BTBD9: variants seen among roughly 807,000 people sequenced by gnomAD.
BTBD9 encodes BTB/POZ domain-containing protein 9.
Under a neutral mutation model 64.3 loss-of-function variants are expected in BTBD9, and 49 were observed. The ratio of observed to expected loss-of-function variants is 0.76; its 90% confidence interval spans 0.61 to 0.97. The LOEUF is 0.97. Among genes scored for constraint, BTBD9 ranks in the 50% least tolerant of loss-of-function variants. BTBD9 has a pLI of 0.00. For synonymous variants in BTBD9, 260 were observed against 274.7 expected, an observed-to-expected ratio of 0.95 and a Z score of 0.53; for missense variants, 598 against 762.1, an observed-to-expected ratio of 0.78 and a Z score of 2.53.
At chr6:38,569,617 T>A (rs1267773318) in intron 6 of BTBD9, among the ~76,000 whole-genome samples, 2 of 152,088 alleles carry the variant, frequency 1.3e-5, no homozygotes, top group East Asian at 3.9e-4. Context: ...TAAAATACAA[T>A]GCAAAGGAAA....
rs1399486948 is a variant in BTBD9 at position 38,554,093 on chromosome 6, C to CA, written c.1154+23506dup. Among the ~76,000 whole-genome samples, 11 of 152,258 alleles carry CA rather than the reference C, an allele frequency of 7.2e-5. No homozygotes were observed. The South Asian group carries it at 1.0e-3, about 14-fold the overall frequency. On this transcript the variant is annotated intron_variant, in intron 6 of 10. Transcript: ENST00000481247. ...TTTCAGCATCTAAGAAGGTAAATCT[C>CA]AGAGTCAAATCCTCAGACAAACATA...
intron 6 of BTBD9, among the ~76,000 whole-genome samples, chr6:38,369,462 T>C (rs1344229871): frequency 6.6e-6 from 1 of 152,174 alleles, no homozygotes; most frequent in Non-Finnish European, 1.5e-5. Context: ...TCTCCTAATA[T>C]CCATCTGAGG....
intron 8 of BTBD9, among the ~76,000 whole-genome samples, chr6:38,257,675 T>C (rs1221243947): frequency 1.3e-5 from 2 of 152,194 alleles, no homozygotes; most frequent in African/African-American, 4.8e-5. Context: ...AGAAATTGAT[T>C]ACCTTGGTCC....
intron 6 of BTBD9, among the ~76,000 whole-genome samples, chr6:38,484,360 G>A (rs1039065429): frequency 6.6e-6 from 1 of 152,212 alleles, no homozygotes; most frequent in African/African-American, 2.4e-5. Context: ...AAGTTCTAGA[G>A]TAGATAAAAT....
chr6:38,326,045 A>T (rs1257997548), intron 7 of BTBD9, among the ~76,000 whole-genome samples: 1 of 152,214 alleles, frequency 6.6e-6, no homozygotes, highest in East Asian at 1.9e-4. Context: ...TCATACTAAG[A>T]AACTTTACCA....
intron 4 of BTBD9, among the ~76,000 whole-genome samples, chr6:38,586,787 G>A (rs1562379614): frequency 6.6e-6 from 1 of 152,208 alleles, no homozygotes; most frequent in Non-Finnish European, 1.5e-5. Context: ...TACTGGCCAG[G>A]CGTGGTGGCT....
At chr6:38,349,283 T>C (rs1189963286) in intron 6 of BTBD9, among the ~76,000 whole-genome samples, 1 of 152,070 alleles carries the variant, frequency 6.6e-6, no homozygotes, top group Non-Finnish European at 1.5e-5. Context: ...GTATTGAAAA[T>C]ATCGAATGCA....
chr6:38,275,933 A>G (rs1234603149), intron 8 of BTBD9, among the ~76,000 whole-genome samples: 3 of 152,024 alleles, frequency 2.0e-5, no homozygotes, highest in African/African-American at 7.2e-5. Context: ...TGTGGAAGTC[A>G]GTGTGGCGAT....
intron 6 of BTBD9, among the ~76,000 whole-genome samples, chr6:38,507,974 T>C (rs754924423): frequency 1.7e-4 from 26 of 151,760 alleles, no homozygotes; most frequent in Non-Finnish European, 3.2e-4. Flanking sequence ...GCTGGGACTA[T>C]AGGCACCCGC....
intron 7 of BTBD9, among the ~76,000 whole-genome samples, chr6:38,332,283 G>A (rs974959637): frequency 6.6e-6 from 1 of 152,120 alleles, no homozygotes; most frequent in Non-Finnish European, 1.5e-5. Flanking sequence ...GTTTCCTACA[G>A]CTCTTTTGGA....
chr6:38,616,888 C>T lies in BTBD9; in HGVS notation c.-27-18767G>A, dbSNP rs1221346972. Among the ~76,000 whole-genome samples, 27 of 152,092 alleles carry T rather than the reference C, an allele frequency of 1.8e-4. 2 individuals are homozygous for T. Among genetic ancestry groups the T allele is most frequent in the Non-Finnish European group, 4.4e-5 (3 of 68,022 alleles). ...TAAGAGCTGTAACACCACAAAGGTC[C>T]GCAGCTTCATTATTGAAGTCAGTGA... On this transcript the variant is annotated intron_variant, in intron 1 of 10. Transcript: ENST00000481247.
intron 6 of BTBD9, among the ~76,000 whole-genome samples, chr6:38,428,814 G>A (rs1001938911): frequency 6.7e-5 from 10 of 150,020 alleles, no homozygotes; most frequent in African/African-American, 2.2e-4. Context: ...CCGGATTCAC[G>A]CCATTCTCCT....
At chr6:38,628,069 G>A (rs1778229877) in intron 1 of BTBD9, among the ~76,000 whole-genome samples, 1 of 152,196 alleles carries the variant, frequency 6.6e-6, no homozygotes, top group Non-Finnish European at 1.5e-5. Context: ...TTATTGATAA[G>A]CAGATTATCT....
chr6:38,577,610 G>T lies in BTBD9; in HGVS notation c.1144C>A (p.Arg382Ser). The T allele has an allele frequency of 6.2e-7, 1 of 1,606,904 alleles. No homozygotes were observed. The highest frequency in any genetic ancestry group is 8.5e-7 in the Non-Finnish European group (1 of 1,178,978). Residue 382 changes from arginine (R) to serine (S), a missense_variant, in exon 6 of 11, where the codon CGT becomes AGT. By Grantham distance (110) the Arg-to-Ser change is moderately radical. Transcript: ENST00000481247. The part of the protein sequence containing the change: ...RSWQKLYFPA[R>S]VCRYIRIVGT... Reference sequence around the variant, plus strand: ...CCACTGAAAACTAACCTGCAGACACGGGCTGGAAAATATAATTTCTGCCAA... The same window carrying T: ...CCACTGAAAACTAACCTGCAGACACTGGCTGGAAAATATAATTTCTGCCAA...
At chr6:38,562,187 C>T (rs1055641486) in intron 6 of BTBD9, among the ~76,000 whole-genome samples, 2 of 152,158 alleles carry the variant, frequency 1.3e-5, no homozygotes, top group African/African-American at 4.8e-5. Flanking sequence ...TAGAAGTCAT[C>T]ACAATACGAA....
At chr6:38,313,692 T>C (rs1177874467) in intron 7 of BTBD9, among the ~76,000 whole-genome samples, 1 of 152,150 alleles carries the variant, frequency 6.6e-6, no homozygotes, top group Admixed American at 6.5e-5. Flanking sequence ...GATTTGCATA[T>C]GTTGAACCAT....
chr6:38,624,454 C>T (rs904383115), intron 1 of BTBD9, among the ~76,000 whole-genome samples: 12 of 152,112 alleles, frequency 7.9e-5, no homozygotes, highest in African/African-American at 2.2e-4. Flanking sequence ...AGAGAGACCA[C>T]GAACCCACTG....
chr6:38,289,018 T>C (rs1761859519), intron 7 of BTBD9, among the ~76,000 whole-genome samples: 1 of 152,048 alleles, frequency 6.6e-6, no homozygotes, highest in Non-Finnish European at 1.5e-5. Context: ...AACTAAAACA[T>C]ACTTTGTTTA....
intron 6 of BTBD9, among the ~76,000 whole-genome samples, chr6:38,573,582 A>AAC (rs1199122231): frequency 7.2e-5 from 11 of 152,262 alleles, no homozygotes; most frequent in African/African-American, 2.4e-4. Flanking sequence ...CAACGGGCAT[A>AAC]ACCTTGAGAA....
Sources: gnomAD v4.1 joint callset for allele counts (sites outside exome capture counted in the v4.1 genomes callset) on GRCh38, gnomAD v4.1.1 for gene constraint, MANE v1.5 for transcripts, NCBI Gene and HGNC (gene_info 2026-07-23, HGNC 2026-07-21) for gene names.